Variants in LHX6 observed in about 807,000 individuals in gnomAD.
LHX6 encodes the protein LIM homeobox 6.
In LHX6, 15 loss-of-function variants were observed where a neutral mutation model predicts 47.1. The ratio of observed to expected loss-of-function variants is 0.32; its 90% CI spans 0.21 to 0.49. The LOEUF is 0.49. Among genes scored for constraint, LHX6 ranks in the 20% least tolerant of loss-of-function variants. LHX6 has a pLI of 0.99. For missense variants in LHX6, 404 were observed against 539.6 expected (o/e 0.75, Z 2.49); for synonymous variants, 242 against 233.5 (o/e 1.04, Z -0.33).
intron 4 of LHX6, among the ~76,000 whole-genome samples, chr9:122,220,247 G>A (rs1012221918): frequency 7.2e-5 from 11 of 152,230 alleles, no homozygotes; most frequent in Non-Finnish European, 1.2e-4. Context: ...CATGCTCCGC[G>A]TGTCTCCCGA....
Position 122,226,360 on chromosome 9 carries a change from G to A in LHX6, c.461+16C>T. On this transcript the variant is annotated intron_variant, in intron 4 of 9. Transcript: ENST00000394319. This position sits in a 1 kb window ranked among gnomAD's most constrained non-coding sequence, Gnocchi z 6.5. The stretch of plus-strand genomic sequence containing the variant: ...CTGCCCTCGGCGACACTGCTGGCTC[G>A]GCGGCCGCAGCCTACCTGAAGTAGT... 6.2e-7 allele frequency: 1 copy of A among 1,604,810 alleles called. No homozygotes were observed.
At position 122,216,928 on chromosome 9, in the gene LHX6, G is replaced by T. The variant is rs547699345; in HGVS notation, c.682+140C>A. 2.0e-4 allele frequency: 136 copies of T among 679,196 alleles called. 1 individual carries two copies. In the African/African-American group the frequency reaches 2.1e-3, roughly 10 times the overall value. The allele number at this position is 679,196 out of a possible 1,614,324, so 42.1% of individuals were successfully genotyped here. On this transcript the variant is annotated intron_variant, in intron 5 of 9. Coordinates refer to ENST00000394319, the MANE Select transcript of LHX6 (RefSeq NM_014368.5). ...CCCGGAAGTGCAAGATCTGTTCGCC[G>T]CCCCACCCCTACGCTGCCTGCGGGA...
rs144715106 is a variant in LHX6, at chr9:122,213,399, A to G, written c.1054+207T>C. Among the ~76,000 whole-genome samples, 288 of 152,136 alleles carry G rather than the reference A, an allele frequency of 1.9e-3. 1 individual carries two copies. The highest frequency in any genetic ancestry group is 6.6e-3 in the African/African-American group (272 of 41,516). ...AATGGCTGCTGAATCGCTTGCCTCT[A>G]TGAAGGATCCCGCTCCACTGAGGCA... On this transcript the variant is annotated intron_variant, in intron 8 of 9. Transcript: ENST00000394319. This position sits in a 1 kb window ranked among gnomAD's most constrained non-coding sequence, Gnocchi z 5.5.
intron 1 of LHX6, chr9:122,228,106 C>A (rs1588367951): frequency 3.6e-6 from 2 of 558,294 alleles, no homozygotes; most frequent in East Asian, 6.8e-5. Flanking sequence ...CGGTGAGCAC[C>A]CGCCCGCCCG....
chr9:122,221,637 G>A (rs1455121516), intron 4 of LHX6: 2 of 985,414 alleles, frequency 2.0e-6, no homozygotes, highest in African/African-American at 1.7e-5. Flanking sequence ...AGGCAGGAGG[G>A]CCAGGGACCG....
At chr9:122,228,124 G>T in intron 1 of LHX6, 2 of 649,282 alleles carry the variant, frequency 3.1e-6, no homozygotes. Flanking sequence ...CCGCCCGCCT[G>T]ACACGCGCGG....
At chr9:122,223,844 G>T (rs1830977318) in intron 4 of LHX6, among the ~76,000 whole-genome samples, 1 of 152,146 alleles carries the variant, frequency 6.6e-6, no homozygotes, top group African/African-American at 2.4e-5. Context: ...AGAAATTTGG[G>T]CAAGTAGTGA....
intron 4 of LHX6, among the ~76,000 whole-genome samples, chr9:122,218,376 A>G (rs906882676): frequency 6.6e-6 from 1 of 152,050 alleles, no homozygotes; most frequent in Non-Finnish European, 1.5e-5. Context: ...TGAAAATCAT[A>G]ATCATGCACT....
At chr9:122,227,154 G>T in intron 2 of LHX6, 124 bp from the exon 3 acceptor site, 1 of 947,896 alleles carries the variant, frequency 1.1e-6, no homozygotes, top group Non-Finnish European at 1.5e-6. Context: ...ACAATGCGCC[G>T]TAGACTGAAG....
In LHX6 at chr9:122,213,344, A is replaced by G. The variant is rs1354489990; in HGVS notation, c.1054+262T>C. Among the ~76,000 whole-genome samples the G allele has an allele frequency of 1.3e-5, 2 of 152,116 alleles. No individual in the cohort carries two copies. Among genetic ancestry groups the G allele is most frequent in the Non-Finnish European group, 2.9e-5 (2 of 68,016 alleles). On this transcript the variant is annotated intron_variant, in intron 8 of 9. Coordinates refer to ENST00000394319, the MANE Select transcript of LHX6 (RefSeq NM_014368.5). The surrounding 1 kb of genome is among the most constrained non-coding windows in gnomAD (Gnocchi z 5.5). ...CTCTCCCCAGTCTCCGGGCACTGGC[A>G]CATTGTGGGTGCTTTGAAGGCATTT...
In LHX6 at chr9:122,228,794, G is replaced by C. The variant is rs1395877410; in HGVS notation, c.-54C>G. 3.4e-6 allele frequency: 4 copies of C among 1,164,928 alleles called. No individual in the cohort carries two copies. The highest frequency in any genetic ancestry group is 4.3e-6 in the Non-Finnish European group (4 of 928,648). The allele number at this position is 1,164,928 out of a possible 1,614,324, so 72.2% of individuals were successfully genotyped here. On this transcript the variant is annotated 5_prime_UTR_variant, in exon 1 of 10. Coordinates refer to ENST00000394319, the MANE Select transcript of LHX6 (RefSeq NM_014368.5). Reference sequence around the variant, plus strand: ...GCGCAGCGCGGAGAGCTGCGCCGAGGGGGACCACAGCCGCAGTGGGAGCAG... The same window carrying C: ...GCGCAGCGCGGAGAGCTGCGCCGAGCGGGACCACAGCCGCAGTGGGAGCAG...
In LHX6 at chr9:122,227,460, G is replaced by C. The variant is rs1004374568; in HGVS notation, c.105C>G (p.Ser35=). 2 of 1,478,082 alleles carry C rather than the reference G, an allele frequency of 1.4e-6. No homozygotes were observed. Among genetic ancestry groups the C allele is most frequent in the Non-Finnish European group, 1.8e-6 (2 of 1,110,490 alleles). 91.6% of individuals were successfully genotyped at this position (1,478,082 alleles called of 1,614,324 possible). Reference sequence around the variant, plus strand: ...GACAGCGGGTGGTCGCTTTGCAGCCGGACCCTGGCTGGGCCATCACCTGGG... The same window carrying C: ...GACAGCGGGTGGTCGCTTTGCAGCCCGACCCTGGCTGGGCCATCACCTGGG... The part of the protein sequence containing the change: ...ATDQVMAQPG[S]GCKATTRCLE... The change falls in exon 2 of 10, where the codon TCC becomes TCG. Residue 35 remains serine, a synonymous_variant. Coordinates refer to ENST00000394319, the MANE Select transcript of LHX6 (RefSeq NM_014368.5).
At chr9:122,208,012 C>G (rs1830250143) in intron 9 of LHX6, among the ~76,000 whole-genome samples, 1 of 152,154 alleles carries the variant, frequency 6.6e-6, no homozygotes, top group African/African-American at 2.4e-5. Flanking sequence ...GACTGCCACA[C>G]CCACTGACCT....
At chr9:122,222,341 G>A (rs917265649) in intron 4 of LHX6, among the ~76,000 whole-genome samples, 5 of 152,200 alleles carry the variant, frequency 3.3e-5, no homozygotes, top group African/African-American at 1.2e-4. Flanking sequence ...ATTTTTGGAA[G>A]AAAACAGAAA....
chr9:122,209,543 G>C (rs1830318030), intron 9 of LHX6, 71 bp downstream of exon 9: 1 of 1,603,690 alleles, frequency 6.2e-7, no homozygotes, highest in Admixed American at 1.7e-5. Flanking sequence ...ATGGTTAACA[G>C]AGGATGCTGC....
At position 122,203,940 on chromosome 9, in the gene LHX6, G is replaced by A. The variant is rs889754805; in HGVS notation, c.*820C>T. ...GTCATGGCACAGATCGAATACCATC[G>A]CTGCTATGTTTCTTACATATATGCT... On this transcript the variant is annotated 3_prime_UTR_variant, in exon 10 of 10. Coordinates refer to ENST00000394319, the MANE Select transcript of LHX6 (RefSeq NM_014368.5). 2.6e-5 allele frequency: 4 copies of A among 152,196 alleles called. No homozygotes were observed. Among genetic ancestry groups the A allele is most frequent in the African/African-American group, 9.7e-5 (4 of 41,450 alleles). 9.4% of individuals were successfully genotyped at this position (152,196 alleles called of 1,614,324 possible).
chr9:122,214,194 G>T lies in LHX6; in HGVS notation c.783+89C>A. ...CGGCCCCGCCCCGCCACCCGGGTCC[G>T]GCCCGAGGGGCGGAGCCAGGAGACA... is the stretch of plus-strand genomic sequence containing the variant. On this transcript the variant is annotated intron_variant, in intron 6 of 9. Coordinates refer to ENST00000394319, the MANE Select transcript of LHX6 (RefSeq NM_014368.5). This position sits in a 1 kb window ranked among gnomAD's most constrained non-coding sequence, Gnocchi z 4.6. 9.8e-7 allele frequency: 1 copy of T among 1,018,120 alleles called. No homozygotes were observed. The highest frequency in any genetic ancestry group is 1.4e-6 in the Non-Finnish European group (1 of 724,720). 63.1% of individuals were successfully genotyped at this position (1,018,120 alleles called of 1,614,324 possible).
intron 8 of LHX6, among the ~76,000 whole-genome samples, chr9:122,210,673 C>T (rs996244894): frequency 6.6e-6 from 1 of 152,120 alleles, no homozygotes; most frequent in African/African-American, 2.4e-5. Context: ...GTGATTCTCC[C>T]ACCTTAGCCT....
chr9:122,227,561 G>C, intron 1 of LHX6, 81 bp from the exon 2 acceptor site: 1 of 1,439,858 alleles, frequency 6.9e-7, no homozygotes, highest in South Asian at 1.4e-5. Context: ...GCCTCCCCGC[G>C]CCTGTTATAT....
Sources: allele counts gnomAD v4.1 joint callset (sites outside exome capture counted in the v4.1 genomes callset), GRCh38; gene constraint gnomAD v4.1.1; non-coding constraint Gnocchi (gnomAD v3.1); transcripts MANE v1.5; gene names NCBI Gene and HGNC (gene_info 2026-07-23, HGNC 2026-07-21).